Variants in UBR4 observed in about 807,000 individuals in gnomAD.
UBR4 encodes E3 ubiquitin-protein ligase UBR4.
A neutral mutation model predicts 575.6 loss-of-function variants in UBR4; 124 were observed. The observed-to-expected ratio is 0.22, with a 90% CI of 0.19 to 0.25. UBR4 has a LOEUF of 0.25. UBR4 is among the 10% of genes least tolerant of loss of function. The pLI is 1.00. For missense variants in UBR4, 4,818 were observed against 6,478.8 expected (o/e 0.74, Z 8.80); for synonymous variants, 2,455 against 2,473.7 (o/e 0.99, Z 0.22).
intron 44 of UBR4, 30 bp downstream of exon 44, chr1:19,154,888 G>T: frequency 6.2e-7 from 1 of 1,613,400 alleles, no homozygotes. Context: ...TGGACATTGC[G>T]GAAGTTGAAC....
rs777784239 is a variant in UBR4, at chr1:19,157,926, C to T, written c.5649G>A (p.Gln1883=). The T allele has an allele frequency of 1.2e-6, 2 of 1,614,248 alleles. No homozygotes were observed. The highest frequency in any genetic ancestry group is 4.5e-5 in the East Asian group (2 of 44,886). Reference sequence around the variant, plus strand: ...GAGCACTGATCAGCTGCCGGATGGTCTGGCCCTGGTCTCCACTGTAATTCA... The same window carrying T: ...GAGCACTGATCAGCTGCCGGATGGTTTGGCCCTGGTCTCCACTGTAATTCA... The part of the protein sequence containing the change: ...VRMNYSGDQG[Q]TIRQLISAHV... The change falls in exon 40 of 106, where the codon CAG becomes CAA. Residue 1883 remains glutamine, a synonymous_variant. Transcript: ENST00000375254. This position sits in a 1 kb window ranked among gnomAD's most constrained non-coding sequence, Gnocchi z 4.4.
chr1:19,121,340 G>A lies in UBR4; in HGVS notation c.9990C>T (p.Ser3330=). 1 of 1,614,212 alleles carries A rather than the reference G, an allele frequency of 6.2e-7. No individual in the cohort carries two copies. The highest frequency in any genetic ancestry group is 8.5e-7 in the Non-Finnish European group (1 of 1,180,030). ...LQLLSCALCG[S]KVLAALAASS... is the part of the protein sequence containing the mutation. ...AGGCTGCCAGTGCAGCGAGCACCTT[G>A]CTGCCGCACAGAGCACAGGAGAGCA... The change falls in exon 68 of 106, where the codon AGC becomes AGT. Residue 3330 remains serine (S), a synonymous_variant. Coordinates refer to ENST00000375254, the MANE Select transcript of UBR4 (RefSeq NM_020765.3).
chr1:19,183,676 C>A lies in UBR4; in HGVS notation c.2184+135G>T, dbSNP rs998600639. 3.6e-5 allele frequency: 30 copies of A among 835,478 alleles called. No homozygotes were observed. The Middle Eastern group carries it at 1.1e-3, about 30-fold the overall frequency. 51.8% of individuals were successfully genotyped at this position (835,478 alleles called of 1,614,324 possible). On this transcript the variant is annotated intron_variant, in intron 17 of 105. Coordinates refer to ENST00000375254, the MANE Select transcript of UBR4 (RefSeq NM_020765.3). ...GGTGGAGGTTGCAGTGAGCCAAGAC[C>A]GTGTCACTGCACTCCAGCCTGGGTA...
intron 55 of UBR4, among the ~76,000 whole-genome samples, chr1:19,143,236 CAGGAAGGAAGGA>C (rs1176780647): frequency 1.8e-4 from 15 of 83,002 alleles, no homozygotes; most frequent in Non-Finnish European, 7.7e-5. Flanking sequence ...GGAAGGAAGG[CAGGAAGGAAGGA>C]AGGAAGGAAG....
intron 104 of UBR4, among the ~76,000 whole-genome samples, chr1:19,077,373 C>A (rs2181598): frequency 9.2e-5 from 14 of 152,142 alleles, no homozygotes; most frequent in East Asian, 3.9e-4. Flanking sequence ...AGAGACCCGG[C>A]GGGGAAGGTC....
chr1:19,175,531 AC>A (rs1458556659), intron 20 of UBR4, among the ~76,000 whole-genome samples: 1 of 152,222 alleles, frequency 6.6e-6, no homozygotes, highest in Admixed American at 6.5e-5. Flanking sequence ...GTGCAAACAC[AC>A]ACTAAAAATG....
chr1:19,120,410 G>A, intron 68 of UBR4, 62 bp from the exon 69 acceptor site: 1 of 1,547,892 alleles, frequency 6.5e-7, no homozygotes, highest in Non-Finnish European at 8.8e-7. Flanking sequence ...GGGTCCTAAG[G>A]CCTGGGCTAC....
intron 17 of UBR4, among the ~76,000 whole-genome samples, chr1:19,180,079 G>A (rs1186432280): frequency 6.6e-6 from 1 of 152,166 alleles, no homozygotes; most frequent in Non-Finnish European, 1.5e-5. Context: ...TTGTCACACC[G>A]GATGTGCCAG....
In UBR4 at chr1:19,168,107, G is replaced by C. The variant is rs543976582; in HGVS notation, c.3819C>G (p.Leu1273=). ...CAGCCAGGGGCAGACTTTGGCTACA[G>C]AGAGTCCCCAGGTGTGCAGCCTGCA... ...SAVQAAHLGT[L]CSQSLPLAAS... is the part of the protein sequence containing the mutation. The change falls in exon 28 of 106, where the codon CTC becomes CTG. Residue 1273 remains leucine, a synonymous_variant. Coordinates refer to ENST00000375254, the MANE Select transcript of UBR4 (RefSeq NM_020765.3). 4.3e-6 allele frequency: 7 copies of C among 1,613,824 alleles called. No individual in the cohort carries two copies. In the South Asian group the frequency reaches 5.5e-5, roughly 13 times the overall value.
At chr1:19,079,308 G>A (rs563836563) in intron 103 of UBR4, 1 of 152,220 alleles carries the variant, frequency 6.6e-6, no homozygotes, top group East Asian at 1.9e-4. Context: ...TGCTTCCTGT[G>A]GCCTCCCTCT....
At chr1:19,122,306 G>A (rs1362823330) in intron 66 of UBR4, among the ~76,000 whole-genome samples, 1 of 152,192 alleles carries the variant, frequency 6.6e-6, no homozygotes, top group Non-Finnish European at 1.5e-5. Flanking sequence ...GGTAGACCAT[G>A]ACCTAAGAAA....
intron 90 of UBR4, among the ~76,000 whole-genome samples, 164 bp from the exon 91 acceptor site, chr1:19,097,444 AG>A (rs1397601107): frequency 6.6e-6 from 1 of 152,222 alleles, no homozygotes; most frequent in Non-Finnish European, 1.5e-5. Flanking sequence ...CAATTCACTT[AG>A]GGGAAAGAAT....
intron 70 of UBR4, among the ~76,000 whole-genome samples, chr1:19,119,331 C>T (rs1454380762): frequency 6.6e-6 from 1 of 152,202 alleles, no homozygotes; most frequent in African/African-American, 2.4e-5. Context: ...CTTCTTTCCC[C>T]ACCTGACCTT....
At chr1:19,176,923 G>A (rs1349792433) in intron 19 of UBR4, among the ~76,000 whole-genome samples, 196 bp from the exon 20 acceptor site, 1 of 152,048 alleles carries the variant, frequency 6.6e-6, no homozygotes, top group Non-Finnish European at 1.5e-5. Context: ...CCAAAGCCTG[G>A]GAAACTCACA....
chr1:19,097,641 C>T (rs950770113), intron 90 of UBR4, among the ~76,000 whole-genome samples: 3 of 152,222 alleles, frequency 2.0e-5, no homozygotes, highest in Non-Finnish European at 4.4e-5. Context: ...GGTTACACAG[C>T]TTGTTCAAGG....
chr1:19,187,044 G>A, intron 13 of UBR4, 120 bp downstream of exon 13: 1 of 795,522 alleles, frequency 1.3e-6, no homozygotes, highest in Non-Finnish European at 1.6e-6. Flanking sequence ...AGGTCATGGT[G>A]TGTAGTCAGT....
chr1:19,139,893 GAAAA>G lies in UBR4; in HGVS notation c.8594-677_8594-674del, dbSNP rs2083653561. 6.6e-6 allele frequency among the ~76,000 whole-genome samples: 1 copy of G among 152,128 alleles called. No homozygotes were observed. The highest frequency in any genetic ancestry group is 1.5e-5 in the Non-Finnish European group (1 of 68,018). ...GATCAGGGCTGAGCTGAGACAGGAG[GAAAA>G]TGCTGGATGAGATACATGGGGGAGG... On this transcript the variant is annotated intron_variant, in intron 58 of 105. Transcript: ENST00000375254. This position sits in a 1 kb window ranked among gnomAD's most constrained non-coding sequence, Gnocchi z 4.2.
At chr1:19,197,506 G>A (rs2151599471) in intron 7 of UBR4, among the ~76,000 whole-genome samples, 164 bp downstream of exon 7, 1 of 152,256 alleles carries the variant, frequency 6.6e-6, no homozygotes, top group East Asian at 1.9e-4. Context: ...GTGTGTGCCT[G>A]TAGTCCCAGC....
At position 19,176,616 on chromosome 1, in the gene UBR4, T is replaced by C. The variant is rs780014466; in HGVS notation, c.2749A>G (p.Asn917Asp). Reference protein sequence around the residue: ...LYHGFKEVEENWSKHFSSDAV... With the variant: ...LYHGFKEVEEDWSKHFSSDAV... The stretch of plus-strand genomic sequence containing the variant: ...CCTGATGAGAAATGCTTAGACCAGT[T>C]TTCTTCTACTTCTTTGAATCCATGA... The change falls in exon 20 of 106, where the codon AAC (asparagine) becomes GAC (aspartate). Residue 917 changes from asparagine (N) to aspartate (D), a missense_variant. Physicochemically the swap from Asn to Asp is conservative, Grantham distance 23. This residue lies in a region of UBR4 where 1,172 missense variants were observed against 1,259.7 expected (regional missense o/e 0.93). Coordinates refer to ENST00000375254, the MANE Select transcript of UBR4 (RefSeq NM_020765.3). 1 of 1,613,952 alleles carries C rather than the reference T, an allele frequency of 6.2e-7. No individual in the cohort carries two copies.
Sources: gnomAD v4.1 joint callset for allele counts (sites outside exome capture counted in the v4.1 genomes callset) on GRCh38, gnomAD v4.1.1 for gene constraint, gnomAD v4.1.1 regional missense constraint, Gnocchi (gnomAD v3.1) non-coding constraint, MANE v1.5 for transcripts, NCBI Gene and HGNC (gene_info 2026-07-23, HGNC 2026-07-21) for gene names.